Variants in GABRR2 observed in about 807,000 individuals in gnomAD.
The protein encoded by GABRR2 is gamma-aminobutyric acid type A receptor subunit rho2, also known as gamma-aminobutyric acid receptor subunit rho-2.
In GABRR2, 36 loss-of-function variants were observed where a neutral mutation model predicts 47.0. The ratio of observed to expected loss-of-function variants is 0.77; its 90% confidence interval spans 0.59 to 1.01. The LOEUF (loss-of-function observed/expected upper bound fraction) is 1.01, where lower values mean the gene tolerates loss of function less well. Ranked by LOEUF, GABRR2 falls within the 50% of genes least tolerant of loss-of-function variation. The pLI is 0.00. For missense variants in GABRR2, 587 were observed against 594.6 expected, an observed-to-expected ratio of 0.99 and a Z score of 0.13; for synonymous variants, 204 against 227.5, an observed-to-expected ratio of 0.90 and a Z score of 0.93.
intron 1 of GABRR2, among the ~76,000 whole-genome samples, chr6:89,309,777 C>CTTA (rs1237383234): frequency 2.5e-4 from 38 of 151,102 alleles, no homozygotes; most frequent in African/African-American, 8.5e-4. Flanking sequence ...TCTTCTTCTT[C>CTTA]TTATTATTAT....
Position 89,254,579 on chromosome 6 carries a change from A to AT in GABRR2, c.*3090dup, listed in dbSNP as rs140127858. Among the ~76,000 whole-genome samples, 745 of 152,238 alleles carry AT rather than the reference A, an allele frequency of 4.9e-3. 4 individuals are homozygous for AT. Among genetic ancestry groups the AT allele is most frequent in the South Asian group, 0.012 (59 of 4,824 alleles). ...GGCATTCCAGAATTTGATTGTTAGT[A>AT]TTTTTTCTCAGTACATAAAATATGG... On this transcript the variant is annotated 3_prime_UTR_variant, in exon 9 of 9. Transcript: ENST00000402938.
intron 1 of GABRR2, among the ~76,000 whole-genome samples, chr6:89,308,487 T>C (rs553143167): frequency 1.3e-5 from 2 of 152,106 alleles, no homozygotes; most frequent in African/African-American, 4.8e-5. Context: ...TAAAAAAAAA[T>C]TAAATAAATA....
At chr6:89,303,563 T>C (rs968581715) in intron 1 of GABRR2, among the ~76,000 whole-genome samples, 1 of 150,954 alleles carries the variant, frequency 6.6e-6, no homozygotes, top group African/African-American at 2.4e-5. Flanking sequence ...ACCAGAGATA[T>C]TCTTCACAGA....
intron 2 of GABRR2, among the ~76,000 whole-genome samples, chr6:89,287,267 A>G (rs1181192797): frequency 6.6e-6 from 1 of 152,222 alleles, no homozygotes; most frequent in African/African-American, 2.4e-5. Context: ...GGCACCCCAA[A>G]TGCAGCACAC....
chr6:89,265,466 T>C (rs1280027811), intron 7 of GABRR2, 147 bp downstream of exon 7: 14 of 822,796 alleles, frequency 1.7e-5, no homozygotes, highest in African/African-American at 3.5e-5. Context: ...AGCATCTAGA[T>C]GGTAAAGGCA....
At chr6:89,280,549 C>T (rs949741142) in intron 2 of GABRR2, among the ~76,000 whole-genome samples, 3 of 152,124 alleles carry the variant, frequency 2.0e-5, no homozygotes, top group African/African-American at 7.2e-5. Context: ...TGCCAGCTTA[C>T]TGCCCGCTGC....
At chr6:89,301,547 A>G (rs530505030) in intron 1 of GABRR2, among the ~76,000 whole-genome samples, 2 of 152,184 alleles carry the variant, frequency 1.3e-5, no homozygotes, top group African/African-American at 4.8e-5. Context: ...AGATCAATGT[A>G]AAAAATCACT....
At chr6:89,309,589 C>CT (rs1215230375) in intron 1 of GABRR2, among the ~76,000 whole-genome samples, 1 of 152,038 alleles carries the variant, frequency 6.6e-6, no homozygotes, top group Non-Finnish European at 1.5e-5. Flanking sequence ...ATGTTTAAGA[C>CT]TTTTTTTAGA....
intron 2 of GABRR2, among the ~76,000 whole-genome samples, chr6:89,282,517 A>G (rs576773070): frequency 3.1e-4 from 47 of 152,358 alleles, no homozygotes; most frequent in African/African-American, 1.1e-3. Context: ...CTGATGATGA[A>G]GACACATTGC....
In GABRR2 at chr6:89,265,760, AC is replaced by A; in HGVS notation, c.741del (p.Trp247CysfsTer28). ...GTGAAGTTAATGTACAGACGGTTGT[AC>A]CAGCCTAGGGGATGCAGGAAGAAGC... ...SRLAFYSSTG[W>X]YNRLYINFTL... is the part of the protein sequence containing the mutation. On this transcript the variant is annotated frameshift_variant, in exon 7 of 9. Transcript: ENST00000402938. LOFTEE classifies it high-confidence loss of function. 6.2e-7 allele frequency: 1 copy of A among 1,614,020 alleles called. No homozygotes were observed. Among genetic ancestry groups the A allele is most frequent in the Non-Finnish European group, 8.5e-7 (1 of 1,179,958 alleles).
intron 8 of GABRR2, among the ~76,000 whole-genome samples, chr6:89,259,320 T>C (rs948710784): frequency 3.9e-5 from 6 of 152,190 alleles, no homozygotes; most frequent in Admixed American, 6.6e-5. Flanking sequence ...CTCAGATGAA[T>C]ATCATAAAGC....
intron 2 of GABRR2, among the ~76,000 whole-genome samples, chr6:89,272,588 G>C (rs746601606): frequency 6.6e-6 from 1 of 152,148 alleles, no homozygotes; most frequent in Admixed American, 6.5e-5. Flanking sequence ...TCTATCAGGC[G>C]TGTTAATGAA....
rs1773984488 is a variant in GABRR2, at chr6:89,269,158, C to A, written c.365G>T (p.Ser122Ile). Reference protein sequence around the residue: ...RLAFSSASNKSMTFDGRLVKK... With the variant: ...RLAFSSASNKIMTFDGRLVKK... Reference sequence around the variant, plus strand: ...CACCAGCCGGCCATCGAAGGTCATGCTCTTGTTGCTGGCGCTGGAGAAAGC... The same window carrying A: ...CACCAGCCGGCCATCGAAGGTCATGATCTTGTTGCTGGCGCTGGAGAAAGC... Residue 122 changes from serine (S) to isoleucine (I), a missense_variant, in exon 4 of 9, where the codon AGC (serine) becomes ATC (isoleucine). Transcript: ENST00000402938. 6.2e-7 allele frequency: 1 copy of A among 1,614,080 alleles called. No homozygotes were observed. Among genetic ancestry groups the A allele is most frequent in the East Asian group, 2.2e-5 (1 of 44,888 alleles).
At chr6:89,300,108 C>T (rs1240724944) in intron 1 of GABRR2, among the ~76,000 whole-genome samples, 1 of 152,176 alleles carries the variant, frequency 6.6e-6, no homozygotes, top group East Asian at 1.9e-4. Flanking sequence ...CTGGGCAGGA[C>T]AACATTCTAC....
At chr6:89,278,404 G>A (rs780403794) in intron 2 of GABRR2, among the ~76,000 whole-genome samples, 13 of 152,150 alleles carry the variant, frequency 8.5e-5, no homozygotes, top group South Asian at 2.1e-4. Context: ...CTTGTTTAGC[G>A]TCCTTTTCTC....
At chr6:89,300,763 A>AG (rs1173134897) in intron 1 of GABRR2, among the ~76,000 whole-genome samples, 3 of 151,138 alleles carry the variant, frequency 2.0e-5, no homozygotes, top group Non-Finnish European at 4.4e-5. Context: ...AAAAAAAAAA[A>AG]AAAGGCCCAG....
chr6:89,259,497 T>G (rs1017254493), intron 8 of GABRR2, among the ~76,000 whole-genome samples: 39 of 141,428 alleles, frequency 2.8e-4, no homozygotes, highest in Non-Finnish European at 5.4e-4. Context: ...CACTTCTTTT[T>G]TTTTGTTTTG....
chr6:89,268,462 GTCTAGTA>G (rs1773960842), intron 4 of GABRR2, among the ~76,000 whole-genome samples: 6 of 152,216 alleles, frequency 3.9e-5, no homozygotes, highest in Admixed American at 3.9e-4. Context: ...GGCCAGAAGT[GTCTAGTA>G]TCAGCAATGC....
chr6:89,265,858 C>T, intron 6 of GABRR2, 93 bp from the exon 7 acceptor site: 1 of 1,259,608 alleles, frequency 7.9e-7, no homozygotes, highest in Non-Finnish European at 1.1e-6. Context: ...ACTTGGCTCT[C>T]CTCAGCAACA....
Sources: allele counts gnomAD v4.1 joint callset (sites outside exome capture counted in the v4.1 genomes callset), GRCh38; gene constraint gnomAD v4.1.1; transcripts MANE v1.5; gene names NCBI Gene and HGNC (gene_info 2026-07-23, HGNC 2026-07-21).